Variants in ANKRD11 observed in about 807,000 individuals in gnomAD.
ANKRD11 encodes ankyrin repeat domain-containing protein 11.
Under a neutral mutation model 195.7 loss-of-function variants are expected in ANKRD11, and 17 were observed. The observed-to-expected ratio is 0.09, with a 90% confidence interval of 0.06 to 0.13. ANKRD11 has a LOEUF of 0.13. ANKRD11 is among the 10% of genes least tolerant of loss of function. The pLI is 1.00. For missense variants in ANKRD11, 3,735 were observed against 3,566.1 expected (o/e 1.05, Z -1.21); for synonymous variants, 1,953 against 1,528.1 (o/e 1.28, Z -6.49).
intron 1 of ANKRD11, among the ~76,000 whole-genome samples, chr16:89,483,658 G>A (rs973976193): frequency 2.6e-4 from 39 of 152,072 alleles, no homozygotes; most frequent in Admixed American, 1.0e-3. Context: ...GAGAAACCCC[G>A]TCTCTACGAA....
At chr16:89,348,231 C>T (rs1459228284) in intron 2 of ANKRD11, among the ~76,000 whole-genome samples, 1 of 152,170 alleles carries the variant, frequency 6.6e-6, no homozygotes, top group Non-Finnish European at 1.5e-5. Flanking sequence ...CATATCTGGC[C>T]TCAAATACCA....
chr16:89,358,879 G>A (rs977166776), intron 2 of ANKRD11, among the ~76,000 whole-genome samples: 2 of 151,884 alleles, frequency 1.3e-5, no homozygotes, highest in Non-Finnish European at 2.9e-5. Flanking sequence ...AGGCTGGAGC[G>A]CAGTGGTGCG....
In ANKRD11 at chr16:89,283,608, C is replaced by G; in HGVS notation, c.2934G>C (p.Glu978Asp). 3 of 1,610,000 alleles carry G rather than the reference C, an allele frequency of 1.9e-6. No individual in the cohort carries two copies. The highest frequency in any genetic ancestry group is 2.5e-6 in the Non-Finnish European group (3 of 1,179,906). The change falls in exon 9 of 13, where the codon GAG becomes GAC. Residue 978 changes from glutamate (E) to aspartate (D), a missense_variant. Transcript: ENST00000301030. The surrounding 1 kb of genome is among the most constrained non-coding windows in gnomAD (Gnocchi z 4.3). ...PEEAHREELK[E>D]CGCESGFKDK... ...CCTTGAAGCCACTCTCGCAGCCACA[C>G]TCCTTCAGCTCCTCCCGGTGCGCCT... is the stretch of plus-strand genomic sequence containing the variant.
intron 1 of ANKRD11, among the ~76,000 whole-genome samples, chr16:89,484,271 A>G (rs1040147235): frequency 2.0e-5 from 3 of 152,174 alleles, no homozygotes; most frequent in Non-Finnish European, 4.4e-5. Flanking sequence ...ATCTAGAAAC[A>G]TGGTGGATAC....
intron 1 of ANKRD11, among the ~76,000 whole-genome samples, chr16:89,476,864 A>G (rs1473039506): frequency 2.0e-5 from 3 of 152,164 alleles, no homozygotes; most frequent in African/African-American, 7.2e-5. Flanking sequence ...CTGACTTCAG[A>G]GTCCCTCTGG....
intron 1 of ANKRD11, among the ~76,000 whole-genome samples, chr16:89,478,035 T>C (rs1044370651): frequency 1.3e-5 from 2 of 152,230 alleles, no homozygotes; most frequent in African/African-American, 4.8e-5. Context: ...CAATTTATTA[T>C]GGCTTCAAAA....
At chr16:89,405,823 G>A (rs2041882410) in intron 2 of ANKRD11, among the ~76,000 whole-genome samples, 1 of 152,106 alleles carries the variant, frequency 6.6e-6, no homozygotes, top group Admixed American at 6.5e-5. Context: ...AGGATGCACT[G>A]CAGTCAATCC....
At chr16:89,388,592 G>T (rs889453478) in intron 2 of ANKRD11, among the ~76,000 whole-genome samples, 1 of 152,182 alleles carries the variant, frequency 6.6e-6, no homozygotes, top group Non-Finnish European at 1.5e-5. Flanking sequence ...CTGGGAATAA[G>T]GATCACTGGA....
intron 2 of ANKRD11, among the ~76,000 whole-genome samples, chr16:89,405,067 C>T (rs1055348387): frequency 9.9e-5 from 15 of 152,060 alleles, no homozygotes; most frequent in Admixed American, 7.2e-4. Context: ...CCCGACGCCC[C>T]GTCACACGCT....
rs1475986671 is a variant in ANKRD11 at position 89,280,486 on chromosome 16, G to A, written c.6056C>T (p.Pro2019Leu). ...CAGAGCGTACGGGGCAGGAGAGGCG[G>A]GAGGGGCGGGGTACGGCGCCTCCGA... ...SASEAPYPAP[P>L]ASPAPYALPV... Residue 2019 changes from proline to leucine, a missense_variant, in exon 9 of 13, where the codon CCC becomes CTC. Pro to Leu is a moderately conservative substitution (Grantham distance 98, BLOSUM62 -3). Transcript: ENST00000301030. The A allele has an allele frequency of 6.3e-7, 1 of 1,580,434 alleles. No individual in the cohort carries two copies. The highest frequency in any genetic ancestry group is 8.6e-7 in the Non-Finnish European group (1 of 1,164,390).
chr16:89,462,063 TCTCTCCCTCTCCC>T (rs1567838480), intron 1 of ANKRD11, among the ~76,000 whole-genome samples: 3 of 30,252 alleles, frequency 9.9e-5, no homozygotes, highest in Non-Finnish European at 1.5e-4. Flanking sequence ...TCCCTCTCCC[TCTCTCCCTCTCCC>T]TCTCCCCATG....
At chr16:89,270,746 T>C (rs1450923060) in intron 12 of ANKRD11, 71 bp downstream of exon 12, 1 of 1,488,096 alleles carries the variant, frequency 6.7e-7, no homozygotes, top group Non-Finnish European at 9.3e-7. Flanking sequence ...GCAAAGGGGG[T>C]TGTCACCACC....
intron 1 of ANKRD11, among the ~76,000 whole-genome samples, chr16:89,443,586 T>C (rs2043630873): frequency 6.6e-6 from 1 of 152,106 alleles, no homozygotes. Context: ...GACACATACC[T>C]ACTAGCTGCC....
intron 2 of ANKRD11, among the ~76,000 whole-genome samples, chr16:89,397,456 G>A (rs2041491698): frequency 6.6e-6 from 1 of 152,246 alleles, no homozygotes; most frequent in African/African-American, 2.4e-5. Context: ...CAGCCACACA[G>A]GGGGACCCAC....
At chr16:89,384,576 G>A (rs570613728) in intron 2 of ANKRD11, among the ~76,000 whole-genome samples, 9 of 152,016 alleles carry the variant, frequency 5.9e-5, no homozygotes, top group African/African-American at 9.7e-5. Context: ...AGGATGGGAC[G>A]GGACGGGATG....
chr16:89,317,441 A>T (rs1185331262), intron 2 of ANKRD11, among the ~76,000 whole-genome samples: 2 of 152,226 alleles, frequency 1.3e-5, no homozygotes, highest in African/African-American at 4.8e-5. Context: ...ACCACAAGGC[A>T]GTCCCTTCCC....
intron 2 of ANKRD11, among the ~76,000 whole-genome samples, chr16:89,346,185 T>C (rs111404425): frequency 0.014 from 2,080 of 145,112 alleles, 44 homozygotes; most frequent in African/African-American, 0.05. Context: ...GGAGGTGAGG[T>C]TGTAATGAGC....
chr16:89,485,210 G>A lies in ANKRD11; in HGVS notation c.-145+5035C>T, dbSNP rs150391892. Among the ~76,000 whole-genome samples the A allele has an allele frequency of 7.9e-3, 1,196 of 152,080 alleles. 8 individuals carry two copies. Among genetic ancestry groups the A allele is most frequent in the Admixed American group, 0.013 (195 of 15,278 alleles). On this transcript the variant is annotated intron_variant, in intron 1 of 12. Coordinates refer to ENST00000301030, the MANE Select transcript of ANKRD11 (RefSeq NM_013275.6). ...AGCACTGTGGGGTTTCTGGCTAGGC[G>A]CGGTAGTTCACACCTGTAATCCCAG...
At chr16:89,296,254 G>T (rs2151825093) in intron 4 of ANKRD11, among the ~76,000 whole-genome samples, 2 of 152,034 alleles carry the variant, frequency 1.3e-5, no homozygotes, top group South Asian at 2.1e-4. Context: ...TATACTTTTT[G>T]AATTTGAGGC....
Sources: allele counts gnomAD v4.1 joint callset (sites outside exome capture counted in the v4.1 genomes callset), GRCh38; gene constraint gnomAD v4.1.1; non-coding constraint Gnocchi (gnomAD v3.1); transcripts MANE v1.5; gene names NCBI Gene and HGNC (gene_info 2026-07-23, HGNC 2026-07-21).